Variants in ANO7 observed in about 807,000 individuals in gnomAD.
ANO7 encodes the protein anoctamin 7.
Under a neutral mutation model 115.8 loss-of-function variants are expected in ANO7, and 114 were observed. That is an observed-to-expected ratio of 0.98 (90% confidence interval 0.85 to 1.15). ANO7 has a LOEUF of 1.15. ANO7 is among the 50% of genes most tolerant of loss of function. The pLI is 0.00. For synonymous variants in ANO7, 550 were observed against 498.2 expected (o/e 1.10, Z -1.38); for missense variants, 1,302 against 1,201.2 (o/e 1.08, Z -1.24).
intron 7 of ANO7, 101 bp from the exon 8 acceptor site, chr2:241,202,093 G>A: frequency 1.1e-6 from 1 of 931,124 alleles, no homozygotes; most frequent in Middle Eastern, 2.1e-4. Context: ...AAGGCTGAGG[G>A]AGGCCGTCCA....
chr2:241,189,061 G>A (rs2068125086), intron 1 of ANO7, among the ~76,000 whole-genome samples: 1 of 152,224 alleles, frequency 6.6e-6, no homozygotes, highest in African/African-American at 2.4e-5. Flanking sequence ...TTTCTGCAGA[G>A]AGCTCTGAGG....
At chr2:241,218,558 CG>C (rs2068928326) in intron 21 of ANO7, among the ~76,000 whole-genome samples, 177 bp downstream of exon 21, 1 of 151,892 alleles carries the variant, frequency 6.6e-6, no homozygotes, top group Admixed American at 6.6e-5. Flanking sequence ...AGGTTCCCCG[CG>C]GTAAGGGACG....
rs764778089 is a variant in ANO7, at chr2:241,212,653, G to T, written c.1728+27G>T. 17 of 1,603,628 alleles carry T rather than the reference G, an allele frequency of 1.1e-5. No individual in the cohort carries two copies. The Admixed American group carries it at 2.7e-4, about 26-fold the overall frequency. The stretch of plus-strand genomic sequence containing the variant: ...TGAGTGTGCCTGAGGCCCGGGACTG[G>T]GGGATGAGCTGTGTGCTTCCTCTCA... On this transcript the variant is annotated intron_variant, in intron 17 of 24. Transcript: ENST00000674324.
chr2:241,218,521 G>T, intron 21 of ANO7, 140 bp downstream of exon 21: 1 of 737,752 alleles, frequency 1.4e-6, no homozygotes, highest in Non-Finnish European at 1.8e-6. Flanking sequence ...GGGGGAGCTG[G>T]GGGCGCCGTG....
At chr2:241,229,678 T>C (rs139297681), downstream of ANO7, 362 of 1,614,004 alleles carry the variant, frequency 2.2e-4, no homozygotes, top group East Asian at 4.0e-4. Flanking sequence ...GAGCTGCTCA[T>C]GTCAGGAGCC....
intron 21 of ANO7, among the ~76,000 whole-genome samples, chr2:241,221,169 G>A (rs1353494108): frequency 1.3e-5 from 2 of 149,410 alleles, no homozygotes; most frequent in African/African-American, 4.9e-5. Flanking sequence ...TCCGCCTCCC[G>A]GGTTCAAGCG....
intron 16 of ANO7, 91 bp from the exon 17 acceptor site, chr2:241,212,481 G>C: frequency 7.3e-7 from 1 of 1,372,344 alleles, no homozygotes; most frequent in Non-Finnish European, 1.0e-6. Flanking sequence ...CAGGGCAGGT[G>C]CAGCAGCTCT....
chr2:241,232,159 G>T, the ANO7 span, among the ~76,000 whole-genome samples: 2 of 152,178 alleles, frequency 1.3e-5, no homozygotes, highest in Non-Finnish European at 2.9e-5. Flanking sequence ...GCCAGGTACA[G>T]AACCTCAAGA....
rs765825598 is a variant in ANO7 at position 241,200,104 on chromosome 2, G to A, written c.433G>A (p.Ala145Thr). The change falls in exon 6 of 25, where the codon GCC becomes ACC. Residue 145 changes from alanine (A) to threonine (T), a missense_variant. Physicochemically the swap from Ala to Thr is moderately conservative, Grantham distance 58. Coordinates refer to ENST00000674324, the MANE Select transcript of ANO7 (RefSeq NM_001370694.2). ...TTCCTTCCAGGAGTTACCCAACCAGGCCTCCAACTGGTCGGCCGGCCTGCT... is the reference window on the plus strand; with the variant it reads ...TTCCTTCCAGGAGTTACCCAACCAGACCTCCAACTGGTCGGCCGGCCTGCT... ...KLPLQELPNQ[A>T]SNWSAGLLAW... The A allele has an allele frequency of 7.4e-6, 12 of 1,612,526 alleles. No homozygotes were observed. Among genetic ancestry groups the A allele is most frequent in the African/African-American group, 1.3e-5 (1 of 74,938 alleles).
the ANO7 span, chr2:241,236,823 C>T: frequency 1.9e-6 from 3 of 1,583,842 alleles, no homozygotes; most frequent in Non-Finnish European, 1.7e-6. Context: ...AGACCCCACA[C>T]CTTGTTCAGA....
At chr2:241,195,951 A>C (rs548228773) in intron 4 of ANO7, 106 bp downstream of exon 4, 11 of 1,599,090 alleles carry the variant, frequency 6.9e-6, no homozygotes, top group Non-Finnish European at 7.7e-6. Context: ...GTCCCAGAGC[A>C]GATCAGGCCC....
chr2:241,190,561 C>T (rs2068176175), intron 2 of ANO7, among the ~76,000 whole-genome samples: 1 of 152,230 alleles, frequency 6.6e-6, no homozygotes, highest in Admixed American at 6.5e-5. Flanking sequence ...CATGGATGCG[C>T]TGTGAGCCTG....
chr2:241,205,264 C>T (rs1044163418), intron 10 of ANO7, among the ~76,000 whole-genome samples: 38 of 143,146 alleles, frequency 2.7e-4, no homozygotes, highest in East Asian at 4.3e-4. Flanking sequence ...GACAGGCAGA[C>T]GGGGCGCTCC....
chr2:241,219,094 A>G (rs2068946685), intron 21 of ANO7, among the ~76,000 whole-genome samples: 1 of 152,212 alleles, frequency 6.6e-6, no homozygotes, highest in South Asian at 2.1e-4. Context: ...GGGAAGGACA[A>G]CAGGAGAAGT....
chr2:241,217,589 G>A, intron 19 of ANO7, 97 bp from the exon 20 acceptor site: 1 of 1,353,692 alleles, frequency 7.4e-7, no homozygotes, highest in East Asian at 2.5e-5. Context: ...ATGGGGTGGC[G>A]GCACCACGTG....
intron 11 of ANO7, among the ~76,000 whole-genome samples, chr2:241,208,214 T>A (rs991623767): frequency 6.6e-6 from 1 of 152,218 alleles, no homozygotes; most frequent in African/African-American, 2.4e-5. Context: ...ACCTCACTTC[T>A]GGGAATCCAC....
chr2:241,207,085 CACAGGTAGACAGGAGTGCTCCCAGTCTG>C, intron 10 of ANO7, among the ~76,000 whole-genome samples: 1 of 127,260 alleles, frequency 7.9e-6, no homozygotes, highest in African/African-American at 3.3e-5. Context: ...CCCAGGCTGA[CACAGGTAGACAGGAGTGCTCCCAGTCTG>C]ACAGGTGGAC....
At chr2:241,228,944 G>A (rs553767446), downstream of ANO7, 1 of 152,938 alleles carries the variant, frequency 6.5e-6, no homozygotes, top group African/African-American at 2.4e-5. Flanking sequence ...GTCTGGCAGT[G>A]GAGGTAGGGG....
the ANO7 span, among the ~76,000 whole-genome samples, chr2:241,232,947 CTCAAAGAT>C: frequency 6.6e-6 from 1 of 151,718 alleles, no homozygotes; most frequent in Non-Finnish European, 1.5e-5. Context: ...GTGTGTGTGA[CTCAAAGAT>C]CCAAAAGGGA....
Sources: gnomAD v4.1 joint callset for allele counts (sites outside exome capture counted in the v4.1 genomes callset) on GRCh38, gnomAD v4.1.1 for gene constraint, MANE v1.5 for transcripts, NCBI Gene and HGNC (gene_info 2026-07-23, HGNC 2026-07-21) for gene names.